MYCBP2: variants seen among roughly 807,000 people sequenced by gnomAD.
MYCBP2 encodes the protein MYC binding protein 2.
In MYCBP2, 120 loss-of-function variants were observed where a neutral mutation model predicts 525.3. That is an observed-to-expected ratio of 0.23 (90% CI 0.20 to 0.27). The LOEUF is 0.27. Ranked by LOEUF, MYCBP2 falls within the 10% of genes least tolerant of loss-of-function variation. The pLI is 1.00. For missense variants in MYCBP2, 4,149 were observed against 5,657.1 expected (o/e 0.73, Z 8.55); for synonymous variants, 1,894 against 1,955.8 (o/e 0.97, Z 0.83).
intron 49 of MYCBP2, among the ~76,000 whole-genome samples, chr13:77,141,549 T>G (rs1447530485): frequency 1.3e-5 from 2 of 152,122 alleles, no homozygotes; most frequent in South Asian, 4.1e-4. Flanking sequence ...GGCAGGCGGA[T>G]CACCTGAGGT....
chr13:77,114,668 T>C (rs2049408660), intron 55 of MYCBP2, among the ~76,000 whole-genome samples: 1 of 152,108 alleles, frequency 6.6e-6, no homozygotes, highest in Non-Finnish European at 1.5e-5. Context: ...ATGATATCTG[T>C]GCTTGAAAGT....
At chr13:77,293,217 A>C (rs1193252868) in intron 2 of MYCBP2, among the ~76,000 whole-genome samples, 1 of 152,160 alleles carries the variant, frequency 6.6e-6, no homozygotes, top group African/African-American at 2.4e-5. Context: ...CATGTGCTGG[A>C]AGGTAGAATT....
intron 18 of MYCBP2, 70 bp from the exon 19 acceptor site, chr13:77,225,624 T>TAAA: frequency 6.4e-7 from 1 of 1,568,770 alleles, no homozygotes; most frequent in Non-Finnish European, 8.7e-7. Flanking sequence ...TTTAAATCAG[T>TAAA]TTATTATGGA....
intron 3 of MYCBP2, among the ~76,000 whole-genome samples, chr13:77,286,188 C>A (rs1440058734): frequency 6.6e-6 from 1 of 152,118 alleles, no homozygotes; most frequent in Non-Finnish European, 1.5e-5. Context: ...AGAACTCAGA[C>A]CAGGTTCCAT....
rs398023536 is a variant in MYCBP2 at position 77,326,240 on chromosome 13, GACACACACACACACACACACACAC to G, written c.302+210_302+233del. On this transcript the variant is annotated intron_variant, in intron 1 of 82. Transcript: ENST00000544440. The surrounding 1 kb of genome is among the most constrained non-coding windows in gnomAD (Gnocchi z 4.2). ...CACTATCCCCCCACATAGGCAGGCA[GACACACACACACACACACACACAC>G]ACACACACACACACACACACGAGAA... Among the ~76,000 whole-genome samples the G allele has an allele frequency of 1.4e-4, 18 of 127,772 alleles. No homozygotes were observed. Among genetic ancestry groups the G allele is most frequent in the African/African-American group, 3.0e-4 (10 of 33,588 alleles). 83.8% of individuals were successfully genotyped at this position (127,772 alleles called of 152,430 possible).
In MYCBP2 at chr13:77,131,517, A is replaced by C. The variant is rs200915072; in HGVS notation, c.7660-4975T>G. Among the ~76,000 whole-genome samples the C allele has an allele frequency of 1.5e-3, 214 of 146,578 alleles. 1 individual carries two copies. Among genetic ancestry groups the C allele is most frequent in the East Asian group, 9.6e-3 (48 of 4,982 alleles). On this transcript the variant is annotated intron_variant, in intron 52 of 82. Coordinates refer to ENST00000544440, the MANE Select transcript of MYCBP2 (RefSeq NM_015057.5). ...ACACACACACACACACACACAAACA[A>C]ACACACACACACACACACACACACT... is the stretch of plus-strand genomic sequence containing the variant.
chr13:77,098,719 G>C lies in MYCBP2; in HGVS notation c.8435C>G (p.Ser2812Cys). The change falls in exon 56 of 83, where the codon TCC becomes TGC. Residue 2812 changes from serine (S) to cysteine (C), a missense_variant. Around this residue, in one of 21 missense-constraint regions of MYCBP2, gnomAD observed 653 missense variants for 744.7 expected, o/e 0.88. Transcript: ENST00000544440. ...GRMPSSSRAE[S>C]PGPGSRLSSP... ...TGACAACCGAGAACCTGGTCCTGGG[G>C]ATTCAGCTCTGGAGCTAGAAGGCAT... is the stretch of plus-strand genomic sequence containing the variant. The C allele has an allele frequency of 6.2e-7, 1 of 1,613,496 alleles. No individual in the cohort carries two copies. Among genetic ancestry groups the C allele is most frequent in the Non-Finnish European group, 8.5e-7 (1 of 1,179,734 alleles).
intron 82 of MYCBP2, among the ~76,000 whole-genome samples, chr13:77,050,370 T>C (rs78998431): frequency 0.033 from 5,067 of 152,252 alleles, 217 homozygotes; most frequent in East Asian, 0.17. Flanking sequence ...TTCTCTCCTA[T>C]GGTTGCACGG....
chr13:77,141,820 A>C (rs1214126287), intron 49 of MYCBP2, among the ~76,000 whole-genome samples: 4 of 152,048 alleles, frequency 2.6e-5, no homozygotes, highest in Non-Finnish European at 2.9e-5. Flanking sequence ...ATATATATTA[A>C]ATGCACAATA....
chr13:77,278,978 A>G lies in MYCBP2; in HGVS notation c.595-67T>C, dbSNP rs2075910494. 4.6e-6 allele frequency: 5 copies of G among 1,094,884 alleles called. No individual in the cohort carries two copies. The African/African-American group carries it at 6.5e-5, about 14-fold the overall frequency. The allele number at this position is 1,094,884 out of a possible 1,614,324, so 67.8% of individuals were successfully genotyped here. ...GCTAGTAACACTTTCTAAGCAGTTT[A>G]GTTGGTACAAGTTACTTCCACAGCA... On this transcript the variant is annotated intron_variant, in intron 3 of 82. Coordinates refer to ENST00000544440, the MANE Select transcript of MYCBP2 (RefSeq NM_015057.5).
intron 68 of MYCBP2, among the ~76,000 whole-genome samples, chr13:77,075,154 G>A (rs574694159): frequency 6.6e-6 from 1 of 152,304 alleles, no homozygotes; most frequent in South Asian, 2.1e-4. Context: ...GTTGCAGTGA[G>A]CCGTGATCAT....
chr13:77,092,381 T>C (rs2045575394), intron 59 of MYCBP2: 1 of 152,256 alleles, frequency 6.6e-6, no homozygotes, highest in East Asian at 1.9e-4. Flanking sequence ...AGCTTCTCAA[T>C]TGTCACTGTG....
At chr13:77,099,043 T>C (rs2046663264) in intron 55 of MYCBP2, 30 bp from the exon 56 acceptor site, 2 of 1,584,730 alleles carry the variant, frequency 1.3e-6, no homozygotes, top group Admixed American at 3.6e-5. Context: ...GTGAAACTTA[T>C]TAATAAAATT....
intron 3 of MYCBP2, among the ~76,000 whole-genome samples, chr13:77,282,499 T>C (rs1044528555): frequency 2.0e-5 from 3 of 152,188 alleles, no homozygotes; most frequent in African/African-American, 4.8e-5. Context: ...TACCATCTTC[T>C]TCCCTTCTCT....
At chr13:77,246,096 T>C (rs1228681980) in intron 15 of MYCBP2, among the ~76,000 whole-genome samples, 4 of 152,126 alleles carry the variant, frequency 2.6e-5, no homozygotes, top group African/African-American at 9.7e-5. Context: ...GTAGAAGGTA[T>C]AGCTTTAATG....
Position 77,051,930 on chromosome 13 carries a change from A to G in MYCBP2, c.13648-12T>C, listed in dbSNP as rs780430718. On this transcript the variant is annotated splice_polypyrimidine_tract_variant and intron_variant, in intron 80 of 82. Coordinates refer to ENST00000544440, the MANE Select transcript of MYCBP2 (RefSeq NM_015057.5). ...CCACCAAAATATGCCTGTGGAGAAA[A>G]CACATCTAGATTACAGCAGGAAAAA... The G allele has an allele frequency of 5.6e-6, 9 of 1,607,304 alleles. No individual in the cohort carries two copies. Among genetic ancestry groups the G allele is most frequent in the African/African-American group, 2.7e-5 (2 of 74,878 alleles).
chr13:77,281,389 A>G (rs2076172679), intron 3 of MYCBP2, among the ~76,000 whole-genome samples: 1 of 152,092 alleles, frequency 6.6e-6, no homozygotes, highest in Non-Finnish European at 1.5e-5. Context: ...ATAAATATGT[A>G]TAATTAGCAA....
chr13:77,299,976 G>T (rs542002785), intron 1 of MYCBP2, among the ~76,000 whole-genome samples: 2 of 152,202 alleles, frequency 1.3e-5, no homozygotes, highest in East Asian at 1.9e-4. Context: ...AATCAATTTT[G>T]CAAATTATTC....
intron 14 of MYCBP2, among the ~76,000 whole-genome samples, chr13:77,252,938 A>G (rs1484800827): frequency 6.6e-6 from 1 of 152,128 alleles, no homozygotes; most frequent in Non-Finnish European, 1.5e-5. Context: ...TAATCTTTAC[A>G]GTCAATGGAA....
Sources: gnomAD v4.1 joint callset for allele counts (sites outside exome capture counted in the v4.1 genomes callset) on GRCh38, gnomAD v4.1.1 for gene constraint, gnomAD v4.1.1 regional missense constraint, Gnocchi (gnomAD v3.1) non-coding constraint, MANE v1.5 for transcripts, NCBI Gene and HGNC (gene_info 2026-07-23, HGNC 2026-07-21) for gene names.